Variants in GNG8 observed in about 807,000 individuals in gnomAD.
The protein encoded by GNG8 is G protein subunit gamma 8, also known as guanine nucleotide-binding protein G(I)/G(S)/G(O) subunit gamma-8.
In GNG8, 3 loss-of-function variants were observed where a neutral mutation model predicts 4.6. The observed-to-expected ratio is 0.65, with a 90% CI of 0.29 to 1.67. GNG8 has a LOEUF of 1.67. Among genes scored for constraint, GNG8 ranks in the 40% most tolerant of loss-of-function variants. The pLI is 0.10. For synonymous variants in GNG8, 32 were observed against 40.5 expected, an observed-to-expected ratio of 0.79 and a Z score of 0.80; for missense variants, 88 against 95.2, an observed-to-expected ratio of 0.92 and a Z score of 0.32.
rs780280363 is a variant in GNG8 at position 46,634,731 on chromosome 19, G to T, written c.-43-6C>A. 1 of 1,511,438 alleles carries T rather than the reference G, an allele frequency of 6.6e-7. No homozygotes were observed. The highest frequency in any genetic ancestry group is 2.3e-5 in the East Asian group (1 of 44,200). 93.6% of individuals were successfully genotyped at this position (1,511,438 alleles called of 1,614,324 possible). A position where few individuals can be genotyped will look rare whatever the true frequency, so the allele number is the denominator to read the frequency against. On this transcript the variant is annotated splice_region_variant and splice_polypyrimidine_tract_variant and intron_variant, in intron 1 of 2. Transcript: ENST00000693335. The stretch of plus-strand genomic sequence containing the variant: ...AAGACGCGCGGGAGTGGGGGCTGTG[G>T]GGGTAGGTTAGGATACGTCTGGGTC...
upstream of GNG8, among the ~76,000 whole-genome samples, chr19:46,636,588 T>C (rs1262130356): frequency 6.6e-6 from 1 of 152,056 alleles, no homozygotes; most frequent in Non-Finnish European, 1.5e-5. Flanking sequence ...ACAAAAACTA[T>C]CTTGCCCTGT....
intron 1 of GNG8, among the ~76,000 whole-genome samples, chr19:46,635,863 G>A (rs2052865244): frequency 6.8e-6 from 1 of 146,156 alleles, no homozygotes; most frequent in Admixed American, 6.9e-5. Flanking sequence ...AGGAAGGGGG[G>A]AGGGAGGAAG....
chr19:46,638,859 G>T, upstream of GNG8: 1 of 153,576 alleles, frequency 6.5e-6, no homozygotes. The surrounding 1 kb of genome is among the most constrained non-coding windows in gnomAD (Gnocchi z 4.7). Context: ...AGGGAGCCAG[G>T]GACCGGAGGG....
Position 46,634,125 on chromosome 19 carries a change from G to T in GNG8, c.164C>A (p.Ala55Asp), listed in dbSNP as rs756966405. 9.3e-6 allele frequency: 15 copies of T among 1,613,776 alleles called. No homozygotes were observed. The highest frequency in any genetic ancestry group is 1.1e-5 in the Non-Finnish European group (13 of 1,179,962). ...KDDPLVTPVP[A>D]AENPFRDKRL... The stretch of plus-strand genomic sequence containing the variant: ...CTTGTCGCGGAAGGGGTTCTCCGCG[G>T]CGGGTACTGGCGTCACCAGCGGGTC... The change falls in exon 3 of 3, where the codon GCC (alanine) becomes GAC (aspartate). Residue 55 changes from alanine (A) to aspartate (D), a missense_variant. By Grantham distance (126) the Ala-to-Asp change is moderately radical. Coordinates refer to ENST00000693335, the MANE Select transcript of GNG8 (RefSeq NM_033258.2).
At chr19:46,634,497 C>T in intron 2 of GNG8, 102 bp downstream of exon 2, 2 of 1,033,032 alleles carry the variant, frequency 1.9e-6, no homozygotes, top group East Asian at 6.2e-5. Context: ...CAGCCCTGTT[C>T]CCAGGGGCAT....
intron 1 of GNG8, among the ~76,000 whole-genome samples, chr19:46,635,760 T>G (rs931759507): frequency 1.1e-3 from 4 of 3,496 alleles, no homozygotes; most frequent in South Asian, 0.014. Flanking sequence ...AGGGAGGGGG[T>G]GTGGGGTGGG....
chr19:46,636,327 T>A (rs2052869029), upstream of GNG8, among the ~76,000 whole-genome samples: 2 of 151,938 alleles, frequency 1.3e-5, no homozygotes, highest in Admixed American at 1.3e-4. Context: ...CTCTCTCTTG[T>A]CTGTCAGTCC....
chr19:46,634,795 G>A, intron 1 of GNG8, 70 bp from the exon 2 acceptor site: 1 of 789,502 alleles, frequency 1.3e-6, no homozygotes, highest in Non-Finnish European at 2.1e-6. Context: ...GGTAACAGGT[G>A]CGAGGGTGGA....
upstream of GNG8, chr19:46,638,784 G>A (rs1462436713): frequency 2.0e-5 from 3 of 152,764 alleles, no homozygotes; most frequent in Non-Finnish European, 4.4e-5. The surrounding 1 kb of genome is among the most constrained non-coding windows in gnomAD (Gnocchi z 4.7). Context: ...CAGGGAGGAG[G>A]TGGCCACAGG....
In GNG8 at chr19:46,634,220, TGGA is replaced by T. The variant is rs2052847357; in HGVS notation, c.85-19_85-17del. Reference sequence around the variant, plus strand: ...CCTGCGACACCTGCGAGCACCCGGGTGGAGATGTCACCGCCCTGCCCGGCTCCT... The same window carrying T: ...CCTGCGACACCTGCGAGCACCCGGGTGATGTCACCGCCCTGCCCGGCTCCT... On this transcript the variant is annotated splice_polypyrimidine_tract_variant and intron_variant, in intron 2 of 2. Transcript: ENST00000693335. 1 of 1,596,324 alleles carries T rather than the reference TGGA, an allele frequency of 6.3e-7. No homozygotes were observed. Among genetic ancestry groups the T allele is most frequent in the Non-Finnish European group, 8.5e-7 (1 of 1,171,828 alleles).
chr19:46,634,489 G>T, intron 2 of GNG8, 110 bp downstream of exon 2: 1 of 853,256 alleles, frequency 1.2e-6, no homozygotes, highest in Non-Finnish European at 1.7e-6. Flanking sequence ...CCCTTGCCCA[G>T]CCCTGTTCCC....
chr19:46,635,264 G>A (rs2052858365), intron 1 of GNG8, among the ~76,000 whole-genome samples: 1 of 151,608 alleles, frequency 6.6e-6, no homozygotes, highest in Non-Finnish European at 1.5e-5. Context: ...AGCCCAACTC[G>A]GGCACCTGAG....
At chr19:46,636,276 G>A (rs879516488), upstream of GNG8, among the ~76,000 whole-genome samples, 4 of 119,470 alleles carry the variant, frequency 3.3e-5, no homozygotes, top group Non-Finnish European at 3.5e-5. Context: ...CGGAGCCACC[G>A]TCCCCGCCGC....
At chr19:46,637,356 C>G (rs1373588730), upstream of GNG8, 1 of 152,496 alleles carries the variant, frequency 6.6e-6, no homozygotes, top group Admixed American at 6.6e-5. Flanking sequence ...AACCCATCTC[C>G]TGGTGTCATA....
chr19:46,639,210 G>A, upstream of GNG8: 1 of 152,742 alleles, frequency 6.5e-6, no homozygotes, highest in Non-Finnish European at 1.5e-5. The surrounding 1 kb of genome is among the most constrained non-coding windows in gnomAD (Gnocchi z 5.2). Context: ...GGCGGGGCCT[G>A]CAGAGGCGCG....
At position 46,634,222 on chromosome 19, in the gene GNG8, G is replaced by A. The variant is rs779785806; in HGVS notation, c.85-18C>T. ...TGCGACACCTGCGAGCACCCGGGTG[G>A]AGATGTCACCGCCCTGCCCGGCTCC... On this transcript the variant is annotated intron_variant, in intron 2 of 2. Transcript: ENST00000693335. 3 of 1,595,106 alleles carry A rather than the reference G, an allele frequency of 1.9e-6. No individual in the cohort carries two copies. The highest frequency in any genetic ancestry group is 2.6e-6 in the Non-Finnish European group (3 of 1,171,212).
At chr19:46,634,975 A>G (rs545828884) in intron 1 of GNG8, among the ~76,000 whole-genome samples, 1 of 152,016 alleles carries the variant, frequency 6.6e-6, no homozygotes, top group Admixed American at 6.5e-5. Context: ...GGAGGCTGAG[A>G]CAGAAGGACA....
intron 2 of GNG8, 94 bp downstream of exon 2, chr19:46,634,505 C>T: frequency 8.6e-7 from 1 of 1,162,786 alleles, no homozygotes; most frequent in South Asian, 1.4e-5. Flanking sequence ...TTCCCAGGGG[C>T]ATCCTTGCAC....
chr19:46,637,837 T>C, upstream of GNG8: 1 of 153,118 alleles, frequency 6.5e-6, no homozygotes, highest in Non-Finnish European at 1.5e-5. Flanking sequence ...ACTCCTGGCC[T>C]CAAGGGATCC....
Sources: allele counts gnomAD v4.1 joint callset (sites outside exome capture counted in the v4.1 genomes callset), GRCh38; gene constraint gnomAD v4.1.1; non-coding constraint Gnocchi (gnomAD v3.1); transcripts MANE v1.5; gene names NCBI Gene and HGNC (gene_info 2026-07-23, HGNC 2026-07-21).